Variants in FAM193A observed in about 807,000 individuals in gnomAD.
The protein encoded by FAM193A is protein FAM193A.
FAM193A carries 22 observed loss-of-function variants against 126.5 expected under a neutral mutation model. The observed-to-expected ratio is 0.17, with a 90% CI of 0.12 to 0.25. FAM193A has a LOEUF of 0.25. Ranked by LOEUF, FAM193A falls within the 10% of genes least tolerant of loss-of-function variation. The pLI, the probability that FAM193A is intolerant of heterozygous loss-of-function variation, is 1.00. For synonymous variants in FAM193A, 761 were observed against 646.8 expected (o/e 1.18, Z -2.68); for missense variants, 1,675 against 1,672.8 (o/e 1.00, Z -0.02).
Position 2,567,093 on chromosome 4 carries a change from C to G in FAM193A, c.256-28991C>G, listed in dbSNP as rs866101380. Among the ~76,000 whole-genome samples the G allele has an allele frequency of 1.5e-3, 226 of 151,852 alleles. 2 individuals carry two copies. Among genetic ancestry groups the G allele is most frequent in the South Asian group, 2.7e-3 (13 of 4,812 alleles). ...TAGCCGGGACTACAGGCGCCCGCCA[C>G]CATGCCCGGCTCATTTTTTTTTTTT... On this transcript the variant is annotated intron_variant, in intron 1 of 20. Coordinates refer to ENST00000637812, the MANE Select transcript of FAM193A (RefSeq NM_001366318.2).
At chr4:2,728,238 A>ATTTT (rs58609064) in intron 20 of FAM193A, among the ~76,000 whole-genome samples, 17 of 82,040 alleles carry the variant, frequency 2.1e-4, no homozygotes, top group East Asian at 6.6e-4. Context: ...ACCCGGCCCA[A>ATTTT]TTTTTTTTTT....
chr4:2,659,955 G>T lies in FAM193A; in HGVS notation c.1646G>T (p.Ser549Ile). 1 of 1,614,170 alleles carries T rather than the reference G, an allele frequency of 6.2e-7. No individual in the cohort carries two copies. The highest frequency in any genetic ancestry group is 8.5e-7 in the Non-Finnish European group (1 of 1,180,034). Residue 549 changes from serine to isoleucine, a missense_variant, in exon 10 of 21, where the codon AGT (serine) becomes ATT (isoleucine). Physicochemically the swap from Ser to Ile is moderately radical, Grantham distance 142. Coordinates refer to ENST00000637812, the MANE Select transcript of FAM193A (RefSeq NM_001366318.2). The part of the protein sequence containing the change: ...PDYLAERSPP[S>I]VSSASSGSGS... Reference sequence around the variant, plus strand: ...TATCTTGCTGAGAGGAGCCCGCCCAGTGTGTCATCTGCAAGCTCGGGGTCC... The same window carrying T: ...TATCTTGCTGAGAGGAGCCCGCCCATTGTGTCATCTGCAAGCTCGGGGTCC...
At chr4:2,681,561 C>T (rs1715124152) in intron 13 of FAM193A, among the ~76,000 whole-genome samples, 1 of 152,138 alleles carries the variant, frequency 6.6e-6, no homozygotes, top group South Asian at 2.1e-4. Flanking sequence ...AGCAATCCTC[C>T]TGACCCATAG....
intron 2 of FAM193A, among the ~76,000 whole-genome samples, chr4:2,612,171 G>T (rs936088262): frequency 6.6e-6 from 1 of 151,370 alleles, no homozygotes; most frequent in Non-Finnish European, 1.5e-5. Flanking sequence ...GTGCCTTTGT[G>T]TTCCATGTAA....
At chr4:2,719,372 G>A (rs548860873) in intron 20 of FAM193A, among the ~76,000 whole-genome samples, 1 of 152,210 alleles carries the variant, frequency 6.6e-6, no homozygotes, top group South Asian at 2.1e-4. Flanking sequence ...ATACCAAATC[G>A]AGCAGTGTAT....
chr4:2,620,091 T>C (rs1444808829), intron 2 of FAM193A, among the ~76,000 whole-genome samples: 6 of 152,198 alleles, frequency 3.9e-5, no homozygotes, highest in Admixed American at 3.9e-4. Context: ...AATTTTACAT[T>C]GTTAATTGCT....
intron 16 of FAM193A, among the ~76,000 whole-genome samples, chr4:2,694,138 G>A (rs781333994): frequency 6.6e-6 from 1 of 152,122 alleles, no homozygotes; most frequent in Non-Finnish European, 1.5e-5. Context: ...CAGCATCGGG[G>A]GTGTGCATTG....
chr4:2,688,376 C>T (rs1715983561), intron 13 of FAM193A, among the ~76,000 whole-genome samples: 1 of 152,112 alleles, frequency 6.6e-6, no homozygotes. Context: ...AAGGCAACGC[C>T]GGCTTCTCTG....
rs113417703 is a variant in FAM193A at position 2,676,214 on chromosome 4, G to A, written c.2331+3842G>A. Among the ~76,000 whole-genome samples the A allele has an allele frequency of 2.9e-3, 446 of 152,284 alleles. 8 individuals are homozygous for A. The highest frequency in any genetic ancestry group is 6.6e-3 in the South Asian group (32 of 4,818). On this transcript the variant is annotated intron_variant, in intron 13 of 20. Coordinates refer to ENST00000637812, the MANE Select transcript of FAM193A (RefSeq NM_001366318.2). ...GGAACTGCCACCGTTTCCTACAGTG[G>A]CTGCACCATTTTACATTCCCACCAA...
Position 2,732,054 on chromosome 4 carries a change from C to G in FAM193A, c.*186C>G, listed in dbSNP as rs1721461704. ...CGCCGTTAGCTCGTGTGCGTGTAGT[C>G]TGTGCGTGAGACTCCTTCGATTGTA... On this transcript the variant is annotated 3_prime_UTR_variant, in exon 21 of 21. Transcript: ENST00000637812. 1 of 617,560 alleles carries G rather than the reference C, an allele frequency of 1.6e-6. No individual in the cohort carries two copies. Among genetic ancestry groups the G allele is most frequent in the East Asian group, 2.7e-5 (1 of 36,910 alleles). The allele number at this position is 617,560 out of a possible 1,614,324, so 38.3% of individuals were successfully genotyped here.
At chr4:2,717,353 G>A (rs1418909622) in intron 20 of FAM193A, among the ~76,000 whole-genome samples, 2 of 152,164 alleles carry the variant, frequency 1.3e-5, no homozygotes, top group East Asian at 1.9e-4. Context: ...AACACTTTGG[G>A]AGGCCAAGAC....
intron 1 of FAM193A, among the ~76,000 whole-genome samples, chr4:2,543,553 A>G (rs1004070711): frequency 3.3e-5 from 5 of 151,976 alleles, no homozygotes; most frequent in Admixed American, 2.6e-4. Context: ...AAAAAATTAA[A>G]ATAAAAATTA....
chr4:2,662,505 G>A (rs1712579341), intron 10 of FAM193A, among the ~76,000 whole-genome samples: 1 of 152,188 alleles, frequency 6.6e-6, no homozygotes, highest in South Asian at 2.1e-4. Flanking sequence ...GAGTAGCAGA[G>A]AGACTAGTTT....
At position 2,620,248 on chromosome 4, in the gene FAM193A, T is replaced by C. The variant is rs75159797; in HGVS notation, c.502-5014T>C. Among the ~76,000 whole-genome samples the C allele has an allele frequency of 2.2e-4, 34 of 152,354 alleles. No individual in the cohort carries two copies. The East Asian group carries it at 6.6e-3, about 29-fold the overall frequency. ...TACCCTATTTTAAGACTTACTTTCA[T>C]GTCTTGTCTCCAGGAAATGTTGCTT... On this transcript the variant is annotated intron_variant, in intron 2 of 20. Transcript: ENST00000637812.
At chr4:2,679,697 GTCTT>G in intron 13 of FAM193A, among the ~76,000 whole-genome samples, 1 of 151,776 alleles carries the variant, frequency 6.6e-6, no homozygotes, top group Non-Finnish European at 1.5e-5. Flanking sequence ...TTCTTACAGT[GTCTT>G]TGGCTTTGGT....
chr4:2,600,264 C>T (rs1003527164), intron 2 of FAM193A, among the ~76,000 whole-genome samples: 3 of 152,166 alleles, frequency 2.0e-5, no homozygotes, highest in Non-Finnish European at 4.4e-5. Context: ...AGGTTTATCA[C>T]GTCTCCCCGA....
rs561832207 is a variant in FAM193A at position 2,697,029 on chromosome 4, C to T, written c.3507+436C>T. Among the ~76,000 whole-genome samples, 26 of 152,220 alleles carry T rather than the reference C, an allele frequency of 1.7e-4. No individual in the cohort carries two copies. In the South Asian group the frequency reaches 5.2e-3, roughly 30 times the overall value. On this transcript the variant is annotated intron_variant, in intron 18 of 20. Coordinates refer to ENST00000637812, the MANE Select transcript of FAM193A (RefSeq NM_001366318.2). ...ACTTGGCACAGGGAAGTCTTCTGGA[C>T]TCAGGTCTGAGCATGTCCCCCATGC...
chr4:2,668,217 T>A (rs1428518599), intron 12 of FAM193A, among the ~76,000 whole-genome samples: 1 of 150,840 alleles, frequency 6.6e-6, no homozygotes, highest in Non-Finnish European at 1.5e-5. Flanking sequence ...ATGCATCTTT[T>A]TTTTTTTTTT....
In FAM193A at chr4:2,631,173, A is replaced by G. The variant is rs1743539506; in HGVS notation, c.1038+4A>G. ...CAGCACCTTCCTTGGCACTCTGGTA[A>G]GAGAGAAAACGTGTTTTTCTTTCTG... On this transcript the variant is annotated splice_donor_region_variant and intron_variant, in intron 5 of 20. Transcript: ENST00000637812. The G allele has an allele frequency of 1.9e-6, 3 of 1,593,166 alleles. No individual in the cohort carries two copies. The highest frequency in any genetic ancestry group is 1.1e-5 in the South Asian group (1 of 89,608).
Sources: gnomAD v4.1 joint callset for allele counts (sites outside exome capture counted in the v4.1 genomes callset) on GRCh38, gnomAD v4.1.1 for gene constraint, MANE v1.5 for transcripts, NCBI Gene and HGNC (gene_info 2026-07-23, HGNC 2026-07-21) for gene names.